The following PIGU variants were observed in gnomAD, a reference collection of about 807,000 sequenced individuals.
The protein encoded by PIGU is GPI-anchor transamidase component PIGU.
In PIGU, 24 loss-of-function variants were observed where a neutral mutation model predicts 49.9. The ratio of observed to expected loss-of-function variants is 0.48; its 90% CI spans 0.35 to 0.68. The LOEUF (loss-of-function observed/expected upper bound fraction) is 0.68. Ranked by LOEUF, PIGU falls within the 30% of genes least tolerant of loss-of-function variation. The pLI is 0.01. For synonymous variants in PIGU, 220 were observed against 205.7 expected (o/e 1.07, Z -0.59); for missense variants, 490 against 532.6 (o/e 0.92, Z 0.79).
intron 1 of PIGU, among the ~76,000 whole-genome samples, chr20:34,661,223 C>T (rs943062196): frequency 1.3e-5 from 2 of 151,932 alleles, no homozygotes; most frequent in Non-Finnish European, 2.9e-5. Flanking sequence ...TGCAAATTTT[C>T]TGGGGGTTGA....
At chr20:34,588,003 T>C (rs1455157653) in intron 8 of PIGU, among the ~76,000 whole-genome samples, 1 of 152,144 alleles carries the variant, frequency 6.6e-6, no homozygotes, top group Non-Finnish European at 1.5e-5. Context: ...AAATTTTGAG[T>C]CACCTGCAAT....
At chr20:34,650,594 T>C (rs1050260007) in intron 2 of PIGU, among the ~76,000 whole-genome samples, 24 of 151,896 alleles carry the variant, frequency 1.6e-4, no homozygotes, top group Admixed American at 1.6e-3. Flanking sequence ...AAAGTCCAAG[T>C]AGTTTGATAA....
chr20:34,573,496 A>G (rs1983097860), intron 11 of PIGU, among the ~76,000 whole-genome samples: 1 of 152,222 alleles, frequency 6.6e-6, no homozygotes, highest in African/African-American at 2.4e-5. Context: ...TGGATGCTTC[A>G]TAATCACTGC....
At chr20:34,603,865 C>G (rs1399340495) in intron 7 of PIGU, among the ~76,000 whole-genome samples, 2 of 151,366 alleles carry the variant, frequency 1.3e-5, no homozygotes, top group Non-Finnish European at 2.9e-5. Context: ...TGGACAGACA[C>G]ACACACACAC....
chr20:34,663,185 GT>G (rs1986981758), intron 1 of PIGU, among the ~76,000 whole-genome samples: 1 of 152,166 alleles, frequency 6.6e-6, no homozygotes, highest in African/African-American at 2.4e-5. Context: ...GATTACAGGC[GT>G]GAGCCACTGC....
chr20:34,629,569 T>C (rs1040890938), intron 6 of PIGU, among the ~76,000 whole-genome samples: 4 of 152,202 alleles, frequency 2.6e-5, no homozygotes, highest in Non-Finnish European at 5.9e-5. Context: ...TGACAAGCCA[T>C]GTCCAACCTA....
At chr20:34,632,975 C>T (rs1202062559) in intron 6 of PIGU, among the ~76,000 whole-genome samples, 2 of 147,606 alleles carry the variant, frequency 1.4e-5, no homozygotes, top group African/African-American at 5.0e-5. Context: ...AGTGGAGCAA[C>T]CAGGGAATAA....
chr20:34,589,753 T>C (rs1483433701), intron 7 of PIGU, among the ~76,000 whole-genome samples: 1 of 148,228 alleles, frequency 6.7e-6, no homozygotes, highest in Non-Finnish European at 1.5e-5. Context: ...CCTCCCGGGT[T>C]CAAGGGATTC....
Position 34,660,517 on chromosome 20 carries a change from G to A in PIGU, c.131-3273C>T, listed in dbSNP as rs534221496. 4.3e-3 allele frequency among the ~76,000 whole-genome samples: 654 copies of A among 152,272 alleles called. 2 individuals carry two copies. The highest frequency in any genetic ancestry group is 8.0e-3 in the Non-Finnish European group (541 of 68,004). On this transcript the variant is annotated intron_variant, in intron 1 of 11. Transcript: ENST00000217446. ...GGAGAATCGCTTGAACCTGGGAGGC[G>A]GAGGTTGCAATGAGCCAAGATTGTG...
chr20:34,595,543 G>A (rs949016197), intron 7 of PIGU, among the ~76,000 whole-genome samples: 33 of 152,186 alleles, frequency 2.2e-4, no homozygotes, highest in African/African-American at 8.0e-4. Flanking sequence ...TAGGGTGAGA[G>A]GGGAGGGACT....
chr20:34,641,207 G>A (rs1490052814), intron 4 of PIGU, among the ~76,000 whole-genome samples: 1 of 152,198 alleles, frequency 6.6e-6, no homozygotes, highest in Non-Finnish European at 1.5e-5. Flanking sequence ...GTGAGCCACA[G>A]CGCCCGGCTA....
Position 34,582,927 on chromosome 20 carries a change from C to T in PIGU, c.927-1255G>A, listed in dbSNP as rs1983543973. 3.3e-5 allele frequency among the ~76,000 whole-genome samples: 5 copies of T among 152,102 alleles called. No individual in the cohort carries two copies. The South Asian group carries it at 1.0e-3, about 32-fold the overall frequency. On this transcript the variant is annotated intron_variant, in intron 9 of 11. Transcript: ENST00000217446. Reference sequence around the variant, plus strand: ...TGACCAAGTGCTAAAGGGAAGCCAACAGGGAGAGGCTGGATCTATACCCTC... The same window carrying T: ...TGACCAAGTGCTAAAGGGAAGCCAATAGGGAGAGGCTGGATCTATACCCTC...
intron 6 of PIGU, among the ~76,000 whole-genome samples, chr20:34,619,972 G>A (rs1038127263): frequency 1.3e-5 from 2 of 152,012 alleles, no homozygotes; most frequent in Non-Finnish European, 2.9e-5. Flanking sequence ...TCCACCCCTG[G>A]AGCATTTATC....
At chr20:34,629,052 T>C (rs1233657388) in intron 6 of PIGU, among the ~76,000 whole-genome samples, 1 of 151,516 alleles carries the variant, frequency 6.6e-6, no homozygotes, top group African/African-American at 2.4e-5. Flanking sequence ...ACTCTCGCTC[T>C]GTCGCCCAGG....
intron 3 of PIGU, 69 bp from the exon 4 acceptor site, chr20:34,644,295 G>T: frequency 7.5e-7 from 1 of 1,342,154 alleles, no homozygotes. Flanking sequence ...GTGCTACCAG[G>T]GCTTGGAGTT....
intron 1 of PIGU, among the ~76,000 whole-genome samples, chr20:34,663,055 A>G (rs1366644782): frequency 6.6e-6 from 1 of 152,030 alleles, no homozygotes; most frequent in Admixed American, 6.5e-5. Flanking sequence ...ACACAGGCCA[A>G]TGCCACTACA....
chr20:34,676,414 A>G (rs1227562034), intron 1 of PIGU, among the ~76,000 whole-genome samples: 5 of 152,224 alleles, frequency 3.3e-5, no homozygotes, highest in Non-Finnish European at 5.9e-5. Flanking sequence ...GTATAAAACA[A>G]TGTTCGGTGA....
chr20:34,665,729 T>G (rs1987070268), intron 1 of PIGU, among the ~76,000 whole-genome samples: 1 of 152,166 alleles, frequency 6.6e-6, no homozygotes, highest in South Asian at 2.1e-4. Flanking sequence ...GATTAAAAAC[T>G]GTGACCTGGT....
chr20:34,570,342 G>A lies in PIGU; in HGVS notation c.1194+4762C>T, dbSNP rs75359372. On this transcript the variant is annotated intron_variant, in intron 11 of 11. Transcript: ENST00000217446. ...ATGGTTCGGAAGGCCATCTGAGCAC[G>A]TGATCAGAAGATTATAGGGATCACG... 5.9e-5 allele frequency among the ~76,000 whole-genome samples: 9 copies of A among 152,314 alleles called. No individual in the cohort carries two copies. The East Asian group carries it at 1.3e-3, about 23-fold the overall frequency.
Sources: allele counts gnomAD v4.1 joint callset (sites outside exome capture counted in the v4.1 genomes callset), GRCh38; gene constraint gnomAD v4.1.1; transcripts MANE v1.5; gene names NCBI Gene and HGNC (gene_info 2026-07-23, HGNC 2026-07-21).